The following CCDC80 variants were observed in gnomAD, a reference collection of about 807,000 sequenced individuals.
The protein encoded by CCDC80 is coiled-coil domain-containing protein 80.
Under a neutral mutation model 78.7 loss-of-function variants are expected in CCDC80, and 49 were observed. The observed-to-expected ratio is 0.62, with a 90% CI of 0.50 to 0.79. The LOEUF (loss-of-function observed/expected upper bound fraction) is 0.79, where lower values mean the gene tolerates loss of function less well. CCDC80 is among the 30% of genes least tolerant of loss of function. The pLI is 0.00. For synonymous variants in CCDC80, 488 were observed against 447.0 expected, an observed-to-expected ratio of 1.09 and a Z score of -1.16; for missense variants, 1,205 against 1,198.6, an observed-to-expected ratio of 1.01 and a Z score of -0.08.
rs946377913 is a variant in CCDC80 at position 112,603,295 on chromosome 3, G to A, written c.*2122C>T. 6.6e-6 allele frequency: 1 copy of A among 151,884 alleles called. No individual in the cohort carries two copies. Among genetic ancestry groups the A allele is most frequent in the African/African-American group, 2.4e-5 (1 of 41,334 alleles). The allele number at this position is 151,884 out of a possible 1,614,324, so 9.4% of individuals were successfully genotyped here. A position where few individuals can be genotyped will look rare whatever the true frequency, so the allele number is the denominator to read the frequency against. ...TAATCCCAGCACTTTGGGAGGCCGA[G>A]GCCAAAGTCAGTAGTTCGAGACCAC... On this transcript the variant is annotated 3_prime_UTR_variant, in exon 8 of 8. Coordinates refer to ENST00000206423, the MANE Select transcript of CCDC80 (RefSeq NM_199511.3).
chr3:112,640,048 G>C (rs989129527), intron 1 of CCDC80, 132 bp from the exon 2 acceptor site: 2 of 1,421,580 alleles, frequency 1.4e-6, no homozygotes, highest in African/African-American at 2.9e-5. Context: ...GTTGGTTAGA[G>C]AGAAGGAGGG....
chr3:112,627,674 G>A (rs13079599), intron 3 of CCDC80, among the ~76,000 whole-genome samples: 5,178 of 152,178 alleles, frequency 0.034, 222 homozygotes, highest in East Asian at 0.13. Context: ...TCCCATGGCC[G>A]ACTCCCAGTC....
chr3:112,629,436 T>C (rs1936051005), intron 3 of CCDC80, among the ~76,000 whole-genome samples: 1 of 152,224 alleles, frequency 6.6e-6, no homozygotes, highest in Admixed American at 6.5e-5. Flanking sequence ...GAGGCTTAAC[T>C]AATCACAGTA....
At position 112,599,450 on chromosome 3, in the gene CCDC80, C is replaced by G. The variant is rs1287396920; in HGVS notation, c.*5967G>C. On this transcript the variant is annotated 3_prime_UTR_variant, in exon 8 of 8. Transcript: ENST00000206423. ...TGAAGAGCACTCACCAAGCCACAAC[C>G]TGCTATCTGCACACCCCACACCATG... 5 of 152,318 alleles carry G rather than the reference C, an allele frequency of 3.3e-5. No individual in the cohort carries two copies. Among genetic ancestry groups the G allele is most frequent in the Non-Finnish European group, 5.9e-5 (4 of 68,114 alleles). 9.4% of individuals were successfully genotyped at this position (152,318 alleles called of 1,614,324 possible).
At chr3:112,614,395 T>A (rs1935690735) in intron 5 of CCDC80, among the ~76,000 whole-genome samples, 1 of 152,058 alleles carries the variant, frequency 6.6e-6, no homozygotes, top group African/African-American at 2.4e-5. Context: ...AATTTTTACC[T>A]TAAAAAGAAA....
chr3:112,614,669 A>G (rs576828804), intron 5 of CCDC80, among the ~76,000 whole-genome samples: 66 of 152,314 alleles, frequency 4.3e-4, no homozygotes, highest in Non-Finnish European at 8.4e-4. Flanking sequence ...GGATGAAGGA[A>G]GAGCCTTGGG....
At chr3:112,606,311 C>A (rs1935494626) in intron 7 of CCDC80, among the ~76,000 whole-genome samples, 1 of 152,240 alleles carries the variant, frequency 6.6e-6, no homozygotes, top group South Asian at 2.1e-4. Context: ...CGGCATTCTG[C>A]CAAGTATTTT....
intron 5 of CCDC80, among the ~76,000 whole-genome samples, chr3:112,616,434 G>GAAAAAAAAAAAAAAAAAAAA (rs138795484): frequency 2.8e-5 from 1 of 35,930 alleles, no homozygotes; most frequent in East Asian, 6.5e-4. Flanking sequence ...CAAAGAAAGA[G>GAAAAAAAAAAAAAAAAAAAA]AAAAAAAAAG....
chr3:112,614,358 G>A (rs942480203), intron 5 of CCDC80, among the ~76,000 whole-genome samples: 1 of 152,030 alleles, frequency 6.6e-6, no homozygotes, highest in Admixed American at 6.5e-5. Context: ...ATTTATCACT[G>A]TTAAAATAAA....
At chr3:112,621,663 A>G (rs1273319931) in intron 3 of CCDC80, among the ~76,000 whole-genome samples, 1 of 152,194 alleles carries the variant, frequency 6.6e-6, no homozygotes. Context: ...TGTAGTGGAC[A>G]CTGTGGTGTG....
intron 2 of CCDC80, among the ~76,000 whole-genome samples, chr3:112,630,588 T>C (rs1203227939): frequency 6.6e-6 from 1 of 152,232 alleles, no homozygotes; most frequent in Non-Finnish European, 1.5e-5. Context: ...ATTACATGAA[T>C]ACTTGGCATG....
chr3:112,628,453 A>G (rs1404200174), intron 3 of CCDC80, among the ~76,000 whole-genome samples: 2 of 152,184 alleles, frequency 1.3e-5, no homozygotes, highest in Non-Finnish European at 2.9e-5. Context: ...CCAGATGACT[A>G]CCAGATCAAA....
rs772655458 is a variant in CCDC80 at position 112,630,242 on chromosome 3, T to A, written c.1906A>T (p.Asn636Tyr). 2.5e-6 allele frequency: 4 copies of A among 1,613,770 alleles called. No individual in the cohort carries two copies. In the Admixed American group the frequency reaches 5.0e-5, roughly 20 times the overall value. ...LLITAPKAEN[N>Y]MYVQQRDEYL... ...TCATCACGTTGTTGCACATACATAT[T>A]GTTCTCAGCCTTGGGAGCAGTGATC... The change falls in exon 3 of 8, where the codon AAT (asparagine) becomes TAT (tyrosine). Residue 636 changes from asparagine (N) to tyrosine (Y), a missense_variant. Coordinates refer to ENST00000206423, the MANE Select transcript of CCDC80 (RefSeq NM_199511.3).
In CCDC80 at chr3:112,638,981, C is replaced by T. The variant is rs150960729; in HGVS notation, c.925G>A (p.Glu309Lys). 2.2e-5 allele frequency: 35 copies of T among 1,612,124 alleles called. No individual in the cohort carries two copies. The highest frequency in any genetic ancestry group is 1.9e-4 in the African/African-American group (14 of 75,004). The change falls in exon 2 of 8, where the codon GAG becomes AAG. Residue 309 changes from glutamate (E) to lysine (K), a missense_variant. Coordinates refer to ENST00000206423, the MANE Select transcript of CCDC80 (RefSeq NM_199511.3). ...GGAGRPSLGS[E>K]KKKEDPRRAQ... Reference sequence around the variant, plus strand: ...CTCCTTGGGTCCTCTTTCTTCTTCTCGCTGCCCAGGCTTGGCCTTCCTGCT... The same window carrying T: ...CTCCTTGGGTCCTCTTTCTTCTTCTTGCTGCCCAGGCTTGGCCTTCCTGCT...
Position 112,641,127 on chromosome 3 carries a change from T to C in CCDC80, c.-812A>G, listed in dbSNP as rs951847318. 6.6e-6 allele frequency: 1 copy of C among 152,174 alleles called. No homozygotes were observed. Among genetic ancestry groups the C allele is most frequent in the Non-Finnish European group, 1.5e-5 (1 of 68,060 alleles). 9.4% of individuals were successfully genotyped at this position (152,174 alleles called of 1,614,324 possible). A position where few individuals can be genotyped will look rare whatever the true frequency, so the allele number is the denominator to read the frequency against. ...TTTAGCACGTTCAGAGTGGACTCAGTGAGGAGTGAGAAGGCTGTTCTTTGG... is the reference window on the plus strand; with the variant it reads ...TTTAGCACGTTCAGAGTGGACTCAGCGAGGAGTGAGAAGGCTGTTCTTTGG... On this transcript the variant is annotated 5_prime_UTR_variant, in exon 1 of 8. Transcript: ENST00000206423.
intron 1 of CCDC80, among the ~76,000 whole-genome samples, 173 bp from the exon 2 acceptor site, chr3:112,640,089 C>A (rs1173547747): frequency 6.6e-6 from 1 of 152,176 alleles, no homozygotes; most frequent in African/African-American, 2.4e-5. Context: ...GGATGAGATC[C>A]TGTTACTTTC....
In CCDC80 at chr3:112,638,827, G is replaced by C. The variant is rs776432238; in HGVS notation, c.1079C>G (p.Thr360Arg). ...CGCCCGGGACGTGGACCGAGTCACT[G>C]TTGTGGCTGGGGCAGGAGGAAGGGT... ...ATTLPPAPAT[T>R]VTRSTSRAVT... is the part of the protein sequence containing the mutation. The change falls in exon 2 of 8, where the codon ACA becomes AGA. Residue 360 changes from threonine (T) to arginine (R), a missense_variant. Coordinates refer to ENST00000206423, the MANE Select transcript of CCDC80 (RefSeq NM_199511.3). The C allele has an allele frequency of 5.0e-6, 8 of 1,613,768 alleles. No individual in the cohort carries two copies. The highest frequency in any genetic ancestry group is 1.3e-5 in the African/African-American group (1 of 74,872).
At chr3:112,627,966 C>T (rs1936011804) in intron 3 of CCDC80, among the ~76,000 whole-genome samples, 1 of 151,820 alleles carries the variant, frequency 6.6e-6, no homozygotes, top group Non-Finnish European at 1.5e-5. Context: ...CAAGGCAGTA[C>T]CAGATGCTTA....
At chr3:112,628,581 TA>T (rs1936027464) in intron 3 of CCDC80, among the ~76,000 whole-genome samples, 1 of 152,084 alleles carries the variant, frequency 6.6e-6, no homozygotes, top group African/African-American at 2.4e-5. Context: ...GACTTAGGAG[TA>T]GCTTGCCCAA....
Sources: allele counts gnomAD v4.1 joint callset (sites outside exome capture counted in the v4.1 genomes callset), GRCh38; gene constraint gnomAD v4.1.1; transcripts MANE v1.5; gene names NCBI Gene and HGNC (gene_info 2026-07-23, HGNC 2026-07-21).